The following UBE2O variants were observed in gnomAD, a reference collection of about 807,000 sequenced individuals.
UBE2O encodes the protein ubiquitin conjugating enzyme E2 O, also known as (E3-independent) E2 ubiquitin-conjugating enzyme.
A neutral mutation model predicts 125.8 loss-of-function variants in UBE2O; 15 were observed. The ratio of observed to expected loss-of-function variants is 0.12; its 90% CI spans 0.08 to 0.18. UBE2O has a LOEUF of 0.18. Among genes scored for constraint, UBE2O ranks in the 10% least tolerant of loss-of-function variants. The pLI is 1.00. For missense variants in UBE2O, 1,280 were observed against 1,723.6 expected (o/e 0.74, Z 4.56); for synonymous variants, 708 against 703.2 (o/e 1.01, Z -0.11).
In UBE2O at chr17:76,434,708, A is replaced by G. The variant is rs936261167; in HGVS notation, c.417+18017T>C. On this transcript the variant is annotated intron_variant, in intron 1 of 17. Transcript: ENST00000319380. ...CTAACACAAACTAAGCAATTCCGAC[A>G]TGGCAAAGGTCAGGAGTGAAGTCGA... Among the ~76,000 whole-genome samples, 15 of 151,370 alleles carry G rather than the reference A, an allele frequency of 9.9e-5. 1 individual carries two copies. Among genetic ancestry groups the G allele is most frequent in the Admixed American group, 3.9e-4 (6 of 15,208 alleles).
intron 1 of UBE2O, among the ~76,000 whole-genome samples, chr17:76,429,795 G>A (rs1164726388): frequency 6.6e-6 from 1 of 152,156 alleles, no homozygotes; most frequent in Non-Finnish European, 1.5e-5. Flanking sequence ...GCAGGGGCAT[G>A]GCTGGGATTT....
intron 1 of UBE2O, among the ~76,000 whole-genome samples, chr17:76,407,098 GGA>G (rs1260328079): frequency 6.6e-6 from 1 of 152,196 alleles, no homozygotes; most frequent in Non-Finnish European, 1.5e-5. Context: ...ACATGTGGAA[GGA>G]GAGATGATGG....
chr17:76,430,672 GTTTA>G lies in UBE2O; in HGVS notation c.417+22049_417+22052del, dbSNP rs1237349575. On this transcript the variant is annotated intron_variant, in intron 1 of 17. Transcript: ENST00000319380. ...TTGCCACGGCCATGCTTGTAGATGA[GTTTA>G]TTTACTGATTTCAGATTTGGGTTCC... 9.5e-6 allele frequency: 3 copies of G among 316,900 alleles called. No homozygotes were observed. In the Admixed American group the frequency reaches 1.2e-4, roughly 12 times the overall value. 19.6% of individuals were successfully genotyped at this position (316,900 alleles called of 1,614,324 possible).
chr17:76,435,978 G>A (rs918229244), intron 1 of UBE2O, among the ~76,000 whole-genome samples: 1 of 152,240 alleles, frequency 6.6e-6, no homozygotes, highest in African/African-American at 2.4e-5. Context: ...CCCGTGCGGT[G>A]GCTCACGCCT....
Position 76,405,147 on chromosome 17 carries a change from G to A in UBE2O, c.588+59C>T, listed in dbSNP as rs928182474. 3.0e-5 allele frequency: 40 copies of A among 1,334,986 alleles called. No homozygotes were observed. The highest frequency in any genetic ancestry group is 2.8e-4 in the South Asian group (21 of 75,976). The allele number at this position is 1,334,986 out of a possible 1,614,324, so 82.7% of individuals were successfully genotyped here. ...CGGAGGAGGCTGTAGCCCAGAGGTC[G>A]TGCCGCCGAGAGAACCAGAGGGCCC... On this transcript the variant is annotated intron_variant, in intron 3 of 17. Transcript: ENST00000319380. This position sits in a 1 kb window ranked among gnomAD's most constrained non-coding sequence, Gnocchi z 6.1.
chr17:76,400,161 A>G lies in UBE2O; in HGVS notation c.1141T>C (p.Ser381Pro). Residue 381 changes from serine (S) to proline (P), a missense_variant, in exon 8 of 18, where the codon TCT becomes CCT. Ser to Pro is a moderately conservative substitution (Grantham distance 74). Transcript: ENST00000319380. The surrounding 1 kb of genome is among the most constrained non-coding windows in gnomAD (Gnocchi z 4.3). The part of the protein sequence containing the change: ...PEKNCAQGEG[S>P]MAKKVKRLLK... ...CAAGGACATACCTTCTTGGCCATAG[A>G]GCCCTCCCCCTGGGCGCAGTTTTTT... The G allele has an allele frequency of 6.2e-7, 1 of 1,613,930 alleles. No homozygotes were observed. Among genetic ancestry groups the G allele is most frequent in the Non-Finnish European group, 8.5e-7 (1 of 1,179,918 alleles).
rs2072310804 is a variant in UBE2O, at chr17:76,400,874, AGC to A, written c.894+135_894+136del. ...GAGCCTGGGTTCCCTTTATCCCCAA[AGC>A]CCTTTGAGATCAACAGGGTCCAGAT... On this transcript the variant is annotated intron_variant, in intron 6 of 17. Transcript: ENST00000319380. The surrounding 1 kb of genome is among the most constrained non-coding windows in gnomAD (Gnocchi z 4.3). The A allele has an allele frequency of 7.3e-6, 8 of 1,093,622 alleles. No individual in the cohort carries two copies. Among genetic ancestry groups the A allele is most frequent in the Non-Finnish European group, 1.0e-5 (8 of 779,456 alleles). The allele number at this position is 1,093,622 out of a possible 1,614,324, so 67.7% of individuals were successfully genotyped here. A position where few individuals can be genotyped will look rare whatever the true frequency, so the allele number is the denominator to read the frequency against.
intron 1 of UBE2O, among the ~76,000 whole-genome samples, chr17:76,412,853 C>T (rs750688444): frequency 6.6e-6 from 1 of 152,092 alleles, no homozygotes; most frequent in Non-Finnish European, 1.5e-5. Flanking sequence ...ATTAAAAATA[C>T]AAAAATTACC....
rs751731637 is a variant in UBE2O, at chr17:76,401,132, T to C, written c.773A>G (p.Tyr258Cys). ...SDSGLFFDDS[Y>C]GFYPGQVLIG... ...GAGCACCTGGCCTGGGTAGAAGCCA[T>C]AGGAATCATCGAAGAAGAGACCCTG... is the stretch of plus-strand genomic sequence containing the variant. The change falls in exon 6 of 18, where the codon TAT becomes TGT. Residue 258 changes from tyrosine (Y) to cysteine (C), a missense_variant. Transcript: ENST00000319380. 5 of 1,613,690 alleles carry C rather than the reference T, an allele frequency of 3.1e-6. No homozygotes were observed. The South Asian group carries it at 4.4e-5, about 14-fold the overall frequency.
At chr17:76,414,811 G>T (rs974492602) in intron 1 of UBE2O, among the ~76,000 whole-genome samples, 1 of 152,166 alleles carries the variant, frequency 6.6e-6, no homozygotes, top group Non-Finnish European at 1.5e-5. Flanking sequence ...TGCACTTGGC[G>T]GCAGGAGCTG....
chr17:76,443,729 G>C lies in UBE2O; in HGVS notation c.417+8996C>G, dbSNP rs1230828644. 2.0e-5 allele frequency among the ~76,000 whole-genome samples: 3 copies of C among 152,128 alleles called. No homozygotes were observed. The East Asian group carries it at 5.8e-4, about 29-fold the overall frequency. ...CTGGGCATGTGATGTCACTGTGGAA[G>C]TCACCTAAATACAGGTACCAGATGC... On this transcript the variant is annotated intron_variant, in intron 1 of 17. Coordinates refer to ENST00000319380, the MANE Select transcript of UBE2O (RefSeq NM_022066.4).
intron 1 of UBE2O, among the ~76,000 whole-genome samples, chr17:76,447,337 CCTTCT>C (rs1254248462): frequency 1.3e-5 from 2 of 152,216 alleles, no homozygotes; most frequent in Non-Finnish European, 2.9e-5. Flanking sequence ...TCCTCAGCTT[CCTTCT>C]CTGGAATATG....
Position 76,395,699 on chromosome 17 carries a change from C to T in UBE2O, c.2946+26G>A. 1 of 1,608,632 alleles carries T rather than the reference C, an allele frequency of 6.2e-7. No homozygotes were observed. The highest frequency in any genetic ancestry group is 1.1e-5 in the South Asian group (1 of 90,518). ...ACTGGGTGCCCACACAGCACATCTG[C>T]ACCTGCCCATGCCAAGCCTACTTGC... On this transcript the variant is annotated intron_variant, in intron 15 of 17. Transcript: ENST00000319380. This position sits in a 1 kb window ranked among gnomAD's most constrained non-coding sequence, Gnocchi z 5.0.
intron 1 of UBE2O, among the ~76,000 whole-genome samples, chr17:76,432,734 A>C (rs2072925210): frequency 6.6e-6 from 1 of 152,258 alleles, no homozygotes; most frequent in Admixed American, 6.5e-5. Context: ...GGGTGTAATA[A>C]GCAGACCAAC....
chr17:76,412,284 A>C (rs1178377580), intron 1 of UBE2O, among the ~76,000 whole-genome samples: 3 of 152,234 alleles, frequency 2.0e-5, no homozygotes, highest in Non-Finnish European at 4.4e-5. Flanking sequence ...CTCAAAGACC[A>C]GATTCCTAAA....
At chr17:76,414,744 G>A (rs1213771635) in intron 1 of UBE2O, among the ~76,000 whole-genome samples, 1 of 152,238 alleles carries the variant, frequency 6.6e-6, no homozygotes, top group African/African-American at 2.4e-5. Context: ...AGCTTGGCCT[G>A]GCAGGGGGCC....
intron 1 of UBE2O, among the ~76,000 whole-genome samples, chr17:76,441,946 T>C (rs541503822): frequency 2.0e-5 from 3 of 152,388 alleles, no homozygotes; most frequent in South Asian, 4.1e-4. Flanking sequence ...CTGATTCATT[T>C]GCAGTCGGGT....
At chr17:76,409,364 GA>G (rs1163693017) in intron 1 of UBE2O, among the ~76,000 whole-genome samples, 6 of 151,868 alleles carry the variant, frequency 4.0e-5, no homozygotes, top group Non-Finnish European at 7.4e-5. Flanking sequence ...CTCTAAGCCA[GA>G]AGGGGTGGTG....
intron 1 of UBE2O, among the ~76,000 whole-genome samples, chr17:76,422,097 C>A (rs1346618252): frequency 6.6e-6 from 1 of 152,160 alleles, no homozygotes; most frequent in Non-Finnish European, 1.5e-5. Flanking sequence ...TTTTTGAGAC[C>A]TCTATGTGTG....
Sources: gnomAD v4.1 joint callset for allele counts (sites outside exome capture counted in the v4.1 genomes callset) on GRCh38, gnomAD v4.1.1 for gene constraint, Gnocchi (gnomAD v3.1) non-coding constraint, MANE v1.5 for transcripts, NCBI Gene and HGNC (gene_info 2026-07-23, HGNC 2026-07-21) for gene names.